The following FBXW2 variants were observed in gnomAD, a reference collection of about 807,000 sequenced individuals.
FBXW2 encodes the protein F-box/WD repeat-containing protein 2.
A neutral mutation model predicts 46.0 loss-of-function variants in FBXW2; 12 were observed. The ratio of observed to expected loss-of-function variants is 0.26; its 90% CI spans 0.17 to 0.42. The LOEUF is 0.42. Ranked by LOEUF, FBXW2 falls within the 10% of genes least tolerant of loss-of-function variation. The pLI is 1.00. For missense variants in FBXW2, 360 were observed against 537.0 expected (o/e 0.67, Z 3.26); for synonymous variants, 203 against 209.6 (o/e 0.97, Z 0.27).
Position 120,758,994 on chromosome 9 carries a change from G to T in FBXW2, c.*5565C>A, listed in dbSNP as rs1247208716. 1 of 151,994 alleles carries T rather than the reference G, an allele frequency of 6.6e-6. No homozygotes were observed. 9.4% of individuals were successfully genotyped at this position (151,994 alleles called of 1,614,324 possible). A position where few individuals can be genotyped will look rare whatever the true frequency, so the allele number is the denominator to read the frequency against. ...TTTTACCTTTATTGTTTTGCTTTTTGGATCACCTTCAGAAATGGTTATATT... is the reference window on the plus strand; with the variant it reads ...TTTTACCTTTATTGTTTTGCTTTTTTGATCACCTTCAGAAATGGTTATATT... On this transcript the variant is annotated 3_prime_UTR_variant, in exon 8 of 8. Transcript: ENST00000608872.
chr9:120,789,016 G>A (rs934207791), intron 2 of FBXW2, among the ~76,000 whole-genome samples: 4 of 151,602 alleles, frequency 2.6e-5, no homozygotes, highest in African/African-American at 7.3e-5. Context: ...TCTTAACCAC[G>A]TGCCCCCGAG....
chr9:120,787,280 C>T lies in FBXW2; in HGVS notation c.490+489G>A, dbSNP rs367690793. Among the ~76,000 whole-genome samples the T allele has an allele frequency of 1.8e-3, 269 of 152,298 alleles. 2 individuals carry two copies. Among genetic ancestry groups the T allele is most frequent in the South Asian group, 0.012 (59 of 4,826 alleles). On this transcript the variant is annotated intron_variant, in intron 3 of 7. Coordinates refer to ENST00000608872, the MANE Select transcript of FBXW2 (RefSeq NM_012164.4). The stretch of plus-strand genomic sequence containing the variant: ...CTGAGCTCAGGCAATCCACCCGCCT[C>T]GGCTTCCCAAAGTGCTAGAATTACA...
chr9:120,791,647 C>T (rs943416933), intron 2 of FBXW2, among the ~76,000 whole-genome samples: 2 of 152,202 alleles, frequency 1.3e-5, no homozygotes, highest in Non-Finnish European at 2.9e-5. Context: ...TGACCACTAA[C>T]ATCTCTTTTG....
Position 120,776,158 on chromosome 9 carries a change from CT to C in FBXW2, c.753del (p.Val252TyrfsTer10). On this transcript the variant is annotated frameshift_variant, in exon 5 of 8. Transcript: ENST00000608872. LOFTEE classifies it high-confidence loss of function. ...CATGTCCCAGCAGATAAAGCCCATA[CT>C]TTCACAGTGAAGTCTGCAGAGCCGC... ...LVSGSADFTV[K>X]VWALSAGTCL... 6.2e-7 allele frequency: 1 copy of C among 1,614,200 alleles called. No homozygotes were observed. The highest frequency in any genetic ancestry group is 8.5e-7 in the Non-Finnish European group (1 of 1,180,038).
chr9:120,767,907 C>T (rs139712912), intron 7 of FBXW2, among the ~76,000 whole-genome samples: 1 of 152,112 alleles, frequency 6.6e-6, no homozygotes, highest in Non-Finnish European at 1.5e-5. Context: ...TCCAAGACAC[C>T]ATCTTTTGCC....
At chr9:120,792,309 T>C (rs2044861729) in intron 2 of FBXW2, 2 of 152,180 alleles carry the variant, frequency 1.3e-5, no homozygotes, top group South Asian at 4.1e-4. Context: ...AACATAATTG[T>C]TAGTGGTAGA....
At chr9:120,788,774 T>C (rs569795367) in intron 2 of FBXW2, among the ~76,000 whole-genome samples, 2 of 152,286 alleles carry the variant, frequency 1.3e-5, no homozygotes, top group Admixed American at 1.3e-4. Flanking sequence ...AGACACTGAT[T>C]GTCATGGCAG....
intron 2 of FBXW2, 25 bp downstream of exon 2, chr9:120,793,124 G>T (rs1588056952): frequency 1.8e-5 from 12 of 676,728 alleles, no homozygotes; most frequent in Non-Finnish European, 3.0e-5. Flanking sequence ...CTTGCTCTCG[G>T]AATCGTGTTC....
chr9:120,773,188 T>TAA (rs34998032), intron 5 of FBXW2, among the ~76,000 whole-genome samples: 4 of 137,480 alleles, frequency 2.9e-5, no homozygotes, highest in Admixed American at 7.3e-5. Flanking sequence ...CCACAACGCT[T>TAA]AAAAAAAAAA....
chr9:120,765,215 C>G (rs1296264948), intron 7 of FBXW2, among the ~76,000 whole-genome samples: 1 of 151,906 alleles, frequency 6.6e-6, no homozygotes, highest in East Asian at 1.9e-4. Flanking sequence ...CTGCTTCAGC[C>G]TCACAAGTAG....
At chr9:120,764,881 G>A (rs2044247194) in intron 7 of FBXW2, 34 bp from the exon 8 acceptor site, 1 of 1,486,596 alleles carries the variant, frequency 6.7e-7, no homozygotes, top group Non-Finnish European at 9.0e-7. Context: ...TGTGAAAGAA[G>A]GCAACCTTGC....
At chr9:120,772,481 A>C (rs2044399319) in intron 6 of FBXW2, among the ~76,000 whole-genome samples, 1 of 128,222 alleles carries the variant, frequency 7.8e-6, no homozygotes, top group Non-Finnish European at 1.6e-5. Flanking sequence ...CAACAGAGCG[A>C]GACTGTCTCA....
At chr9:120,777,834 T>G (rs191238379) in intron 4 of FBXW2, among the ~76,000 whole-genome samples, 7 of 152,144 alleles carry the variant, frequency 4.6e-5, no homozygotes, top group African/African-American at 1.7e-4. Context: ...GGTATGTTTC[T>G]TTCGCCTTAT....
At chr9:120,782,501 T>C (rs937262252) in intron 3 of FBXW2, among the ~76,000 whole-genome samples, 1 of 150,568 alleles carries the variant, frequency 6.6e-6, no homozygotes, top group Non-Finnish European at 1.5e-5. Context: ...AGCAGAATGG[T>C]TGTTTTGCCA....
At chr9:120,777,868 T>A (rs2044531420) in intron 4 of FBXW2, among the ~76,000 whole-genome samples, 1 of 152,122 alleles carries the variant, frequency 6.6e-6, no homozygotes, top group Non-Finnish European at 1.5e-5. Context: ...CTTGTTTTAA[T>A]CAACTGTCAA....
chr9:120,764,502 C>T lies in FBXW2; in HGVS notation c.*57G>A. 1.3e-6 allele frequency: 2 copies of T among 1,564,360 alleles called. No individual in the cohort carries two copies. Among genetic ancestry groups the T allele is most frequent in the Non-Finnish European group, 1.7e-6 (2 of 1,147,448 alleles). On this transcript the variant is annotated 3_prime_UTR_variant, in exon 8 of 8. Coordinates refer to ENST00000608872, the MANE Select transcript of FBXW2 (RefSeq NM_012164.4). ...ATGCAGTCGGCTGCCGCAGAGGTTG[C>T]ACCCAAAACCCGCAGCCCCGGCACC...
At chr9:120,790,929 T>C (rs2131385348) in intron 2 of FBXW2, among the ~76,000 whole-genome samples, 1 of 152,320 alleles carries the variant, frequency 6.6e-6, no homozygotes, top group South Asian at 2.1e-4. Flanking sequence ...CAGATTTATA[T>C]ATTCTCCTAA....
At position 120,793,196 on chromosome 9, in the gene FBXW2, A is replaced by C. The variant is rs1320119092; in HGVS notation, c.-68T>G. ...GGGACCTCGCGCCGGGTTCACAGCTACTAGGCACGCTCGGACCGCCAGAGC... is the reference window on the plus strand; with the variant it reads ...GGGACCTCGCGCCGGGTTCACAGCTCCTAGGCACGCTCGGACCGCCAGAGC... On this transcript the variant is annotated 5_prime_UTR_variant, in exon 2 of 8. Coordinates refer to ENST00000608872, the MANE Select transcript of FBXW2 (RefSeq NM_012164.4). 1 of 565,200 alleles carries C rather than the reference A, an allele frequency of 1.8e-6. No individual in the cohort carries two copies. Among genetic ancestry groups the C allele is most frequent in the Non-Finnish European group, 3.1e-6 (1 of 319,942 alleles). 35.0% of individuals were successfully genotyped at this position (565,200 alleles called of 1,614,324 possible).
intron 3 of FBXW2, among the ~76,000 whole-genome samples, chr9:120,780,936 C>T (rs1013742458): frequency 2.6e-5 from 4 of 151,964 alleles, no homozygotes; most frequent in Admixed American, 2.0e-4. Context: ...CTCTATAACA[C>T]GTGCCTTAGG....
Sources: allele counts gnomAD v4.1 joint callset (sites outside exome capture counted in the v4.1 genomes callset), GRCh38; gene constraint gnomAD v4.1.1; transcripts MANE v1.5; gene names NCBI Gene and HGNC (gene_info 2026-07-23, HGNC 2026-07-21).